The following NPTN variants were observed in gnomAD, a reference collection of about 807,000 sequenced individuals.
The protein encoded by NPTN is neuroplastin.
Under a neutral mutation model 42.7 loss-of-function variants are expected in NPTN, and 5 were observed. That is an observed-to-expected ratio of 0.12 (90% CI 0.06 to 0.25). The LOEUF (loss-of-function observed/expected upper bound fraction) is 0.25. Ranked by LOEUF, NPTN falls within the 10% of genes least tolerant of loss-of-function variation. The probability of loss-of-function intolerance (pLI) is 1.00; values close to 1 mark genes in which losing one functional copy is unlikely to be tolerated. For synonymous variants in NPTN, 180 were observed against 201.9 expected, an observed-to-expected ratio of 0.89 and a Z score of 0.92; for missense variants, 307 against 525.4, an observed-to-expected ratio of 0.58 and a Z score of 4.06.
rs945980679 is a variant in NPTN at position 73,567,241 on chromosome 15, G to T, written c.1114+2909C>A. ...ACGACTGTGCATTCATATAAAAAAA[G>T]TTCAGTGAGTCTGAAATGAGCCATG... On this transcript the variant is annotated intron_variant, in intron 6 of 8. Transcript: ENST00000345330. The T allele has an allele frequency of 5.1e-6, 5 of 985,166 alleles. No individual in the cohort carries two copies. In the African/African-American group the frequency reaches 7.0e-5, roughly 14 times the overall value. The allele number at this position is 985,166 out of a possible 1,614,324, so 61.0% of individuals were successfully genotyped here.
chr15:73,603,742 T>C (rs928732817), intron 1 of NPTN, among the ~76,000 whole-genome samples: 5 of 152,236 alleles, frequency 3.3e-5, no homozygotes, highest in East Asian at 3.8e-4. Flanking sequence ...TTTGGGAAGA[T>C]ACTGGATATT....
At chr15:73,563,129 CCACT>C (rs1566954808) in intron 7 of NPTN, 103 bp downstream of exon 7, 1 of 806,764 alleles carries the variant, frequency 1.2e-6, no homozygotes, top group South Asian at 1.5e-5. Flanking sequence ...ACCTTCATTT[CCACT>C]CACTGTCTTC....
chr15:73,563,298 GA>G (rs1467689691), intron 6 of NPTN, 41 bp from the exon 7 acceptor site: 2 of 1,609,046 alleles, frequency 1.2e-6, no homozygotes, highest in Non-Finnish European at 1.7e-6. Flanking sequence ...TGAGAGATAA[GA>G]GAAGAAAGGA....
chr15:73,633,095 CG>C, intron 1 of NPTN, 29 bp downstream of exon 1: 26 of 1,398,028 alleles, frequency 1.9e-5, no homozygotes, highest in African/African-American at 3.0e-5. Context: ...CCTCAACCCC[CG>C]CCCGGCCCGC....
chr15:73,598,388 C>T (rs369780560), intron 1 of NPTN, among the ~76,000 whole-genome samples: 61 of 151,830 alleles, frequency 4.0e-4, no homozygotes, highest in African/African-American at 1.4e-3. Flanking sequence ...TGCCCAGGAA[C>T]TAAAGTTGAT....
At chr15:73,615,346 T>A (rs1332154223) in intron 1 of NPTN, among the ~76,000 whole-genome samples, 5 of 150,768 alleles carry the variant, frequency 3.3e-5, no homozygotes, top group Non-Finnish European at 7.4e-5. Context: ...TGATCATTTG[T>A]GTTAGACATA....
chr15:73,631,005 T>C (rs1898708733), intron 1 of NPTN, among the ~76,000 whole-genome samples: 1 of 152,246 alleles, frequency 6.6e-6, no homozygotes, highest in Non-Finnish European at 1.5e-5. Context: ...GTCATGTGAC[T>C]GAATTCAAGC....
Position 73,567,531 on chromosome 15 carries a change from T to C in NPTN, c.1114+2619A>G, listed in dbSNP as rs114249671. Reference sequence around the variant, plus strand: ...ATGGGAAGGAAGCAGACAGGTAAGTTTGTCCTTCCTATGGAGTGCACAGGG... The same window carrying C: ...ATGGGAAGGAAGCAGACAGGTAAGTCTGTCCTTCCTATGGAGTGCACAGGG... On this transcript the variant is annotated intron_variant, in intron 6 of 8. Coordinates refer to ENST00000345330, the MANE Select transcript of NPTN (RefSeq NM_012428.4). 1.0e-3 allele frequency: 1,002 copies of C among 985,374 alleles called. 5 individuals carry two copies. The African/African-American group carries it at 0.016, about 16-fold the overall frequency. The allele number at this position is 985,374 out of a possible 1,614,324, so 61.0% of individuals were successfully genotyped here. A position where few individuals can be genotyped will look rare whatever the true frequency, so the allele number is the denominator to read the frequency against.
intron 1 of NPTN, among the ~76,000 whole-genome samples, chr15:73,629,416 A>C (rs1898609387): frequency 6.6e-6 from 1 of 152,212 alleles, no homozygotes; most frequent in Admixed American, 6.5e-5. Flanking sequence ...GCAATCAATT[A>C]GCAAATACAC....
At chr15:73,602,874 T>G (rs1432892979) in intron 1 of NPTN, among the ~76,000 whole-genome samples, 1 of 152,214 alleles carries the variant, frequency 6.6e-6, no homozygotes, top group Non-Finnish European at 1.5e-5. Flanking sequence ...GTTTGGAAAT[T>G]AAGATCATCC....
At chr15:73,621,529 T>C (rs941673009) in intron 1 of NPTN, among the ~76,000 whole-genome samples, 6 of 152,192 alleles carry the variant, frequency 3.9e-5, no homozygotes, top group Non-Finnish European at 5.9e-5. Flanking sequence ...TCAGCATACA[T>C]TGTAATTTAA....
intron 1 of NPTN, chr15:73,599,622 A>G (rs1056512225): frequency 6.7e-6 from 1 of 149,036 alleles, no homozygotes; most frequent in Non-Finnish European, 1.5e-5. Context: ...AAAAAAAAAA[A>G]AAGAAAGAAA....
At chr15:73,611,261 C>T (rs555015137) in intron 1 of NPTN, among the ~76,000 whole-genome samples, 10 of 152,142 alleles carry the variant, frequency 6.6e-5, no homozygotes, top group Admixed American at 2.0e-4. Context: ...GAATTTATCA[C>T]GTATTCAACT....
chr15:73,582,086 G>A (rs1451279171), intron 4 of NPTN, among the ~76,000 whole-genome samples: 3 of 152,234 alleles, frequency 2.0e-5, no homozygotes, highest in Non-Finnish European at 2.9e-5. Flanking sequence ...TGATCTGCCC[G>A]TCTTGGCCTC....
At chr15:73,562,869 T>C (rs1260385261) in intron 7 of NPTN, among the ~76,000 whole-genome samples, 1 of 152,190 alleles carries the variant, frequency 6.6e-6, no homozygotes, top group African/African-American at 2.4e-5. Context: ...TAGCTACAGG[T>C]TGAGTATTCC....
chr15:73,626,646 T>C (rs1196486328), intron 1 of NPTN, among the ~76,000 whole-genome samples: 2 of 152,208 alleles, frequency 1.3e-5, no homozygotes, highest in Non-Finnish European at 2.9e-5. Context: ...TGTATCTTCC[T>C]GCACATGAAA....
chr15:73,626,904 C>T (rs948394568), intron 1 of NPTN, among the ~76,000 whole-genome samples: 3 of 152,004 alleles, frequency 2.0e-5, no homozygotes, highest in African/African-American at 4.8e-5. Context: ...CCTGGGTGAC[C>T]GATGATTTTT....
chr15:73,584,760 C>T (rs1400464932), intron 4 of NPTN, among the ~76,000 whole-genome samples: 1 of 144,384 alleles, frequency 6.9e-6, no homozygotes, highest in African/African-American at 2.6e-5. Context: ...CACATTGTGT[C>T]CTTTAAAAAA....
intron 4 of NPTN, among the ~76,000 whole-genome samples, chr15:73,576,123 A>T (rs538244032): frequency 6.6e-6 from 1 of 152,130 alleles, no homozygotes; most frequent in Non-Finnish European, 1.5e-5. Context: ...CCATAGCCAC[A>T]CAGGACCCAG....
Sources: gnomAD v4.1 joint callset for allele counts (sites outside exome capture counted in the v4.1 genomes callset) on GRCh38, gnomAD v4.1.1 for gene constraint, MANE v1.5 for transcripts, NCBI Gene and HGNC (gene_info 2026-07-23, HGNC 2026-07-21) for gene names.